Variants in WDR7 observed in about 807,000 individuals in gnomAD.
WDR7 encodes the protein WD repeat domain 7, also known as WD repeat-containing protein 7.
Under a neutral mutation model 169.4 loss-of-function variants are expected in WDR7, and 46 were observed. The ratio of observed to expected loss-of-function variants is 0.27; its 90% CI spans 0.21 to 0.35. The LOEUF (loss-of-function observed/expected upper bound fraction) is 0.35. Among genes scored for constraint, WDR7 ranks in the 10% least tolerant of loss-of-function variants. The probability of loss-of-function intolerance (pLI) is 1.00; values close to 1 mark genes in which losing one functional copy is unlikely to be tolerated. For synonymous variants in WDR7, 612 were observed against 666.8 expected (o/e 0.92, Z 1.27); for missense variants, 1,534 against 1,859.3 (o/e 0.83, Z 3.22).
chr18:56,734,175 G>A (rs181986851), intron 14 of WDR7, among the ~76,000 whole-genome samples: 4 of 152,212 alleles, frequency 2.6e-5, no homozygotes, highest in Admixed American at 2.6e-4. Flanking sequence ...GGTGAGTGAA[G>A]TTGTGTAGAT....
intron 26 of WDR7, among the ~76,000 whole-genome samples, chr18:57,016,675 C>T (rs1328129642): frequency 1.3e-5 from 2 of 152,182 alleles, no homozygotes; most frequent in East Asian, 3.9e-4. Context: ...AATTATATTT[C>T]TTTGCAGAGC....
chr18:56,713,232 C>T (rs184412992), intron 12 of WDR7, among the ~76,000 whole-genome samples: 2 of 152,278 alleles, frequency 1.3e-5, no homozygotes, highest in Non-Finnish European at 2.9e-5. Flanking sequence ...TATTTACATC[C>T]ACTGTCATTA....
chr18:56,724,538 C>T (rs2026399121), intron 13 of WDR7, among the ~76,000 whole-genome samples: 1 of 151,768 alleles, frequency 6.6e-6, no homozygotes, highest in Admixed American at 6.6e-5. Context: ...TTATTAGACA[C>T]CAGATATCGT....
intron 19 of WDR7, among the ~76,000 whole-genome samples, chr18:56,809,903 G>A (rs569594889): frequency 6.6e-6 from 1 of 152,030 alleles, no homozygotes; most frequent in East Asian, 1.9e-4. Context: ...TATTTTCACT[G>A]TTCTAAAAAT....
intron 16 of WDR7, among the ~76,000 whole-genome samples, chr18:56,775,639 G>T (rs2044230026): frequency 6.6e-6 from 1 of 152,086 alleles, no homozygotes; most frequent in Non-Finnish European, 1.5e-5. Context: ...TTTCATTTGT[G>T]CAAGACGTGC....
At chr18:56,922,132 A>G (rs2046733778) in intron 21 of WDR7, among the ~76,000 whole-genome samples, 1 of 152,214 alleles carries the variant, frequency 6.6e-6, no homozygotes, top group Admixed American at 6.5e-5. Flanking sequence ...ACTTCCAAGA[A>G]GTAAAAAATA....
rs936095851 is a variant in WDR7 at position 57,010,489 on chromosome 18, T to A, written c.4165-10256T>A. Among the ~76,000 whole-genome samples, 9 of 152,326 alleles carry A rather than the reference T, an allele frequency of 5.9e-5. No homozygotes were observed. In the South Asian group the frequency reaches 6.2e-4, roughly 11 times the overall value. ...TTTCATTTATGTCTTTAGGCTTTTT[T>A]AATCATTATTGAGTCTAAAAGTTGT... On this transcript the variant is annotated intron_variant, in intron 26 of 27. Transcript: ENST00000254442.
At chr18:57,019,385 A>C (rs9963904) in intron 26 of WDR7, among the ~76,000 whole-genome samples, 9 of 152,122 alleles carry the variant, frequency 5.9e-5, no homozygotes, top group Admixed American at 5.9e-4. Context: ...GGTACTCTGC[A>C]ATGTTAAGTT....
intron 21 of WDR7, among the ~76,000 whole-genome samples, chr18:56,922,663 T>C (rs972953978): frequency 2.0e-5 from 3 of 152,116 alleles, no homozygotes; most frequent in African/African-American, 7.2e-5. Context: ...TGTAGTTTCC[T>C]GGGGAAAGGA....
At chr18:56,875,303 T>C (rs2046007902) in intron 20 of WDR7, among the ~76,000 whole-genome samples, 1 of 152,222 alleles carries the variant, frequency 6.6e-6, no homozygotes, top group Admixed American at 6.5e-5. Context: ...CCACTTCCCG[T>C]GTCTTCTGTT....
At chr18:56,989,332 T>C (rs983987397) in intron 26 of WDR7, among the ~76,000 whole-genome samples, 1 of 152,198 alleles carries the variant, frequency 6.6e-6, no homozygotes, top group African/African-American at 2.4e-5. Context: ...TTTCTCAAGC[T>C]CCTCACAAAA....
intron 13 of WDR7, among the ~76,000 whole-genome samples, chr18:56,728,060 A>G (rs564985802): frequency 3.2e-4 from 48 of 152,288 alleles, no homozygotes; most frequent in African/African-American, 9.6e-4. Context: ...ATTTCCGTTT[A>G]TCTGATGTCT....
chr18:56,893,161 A>C (rs867354486), intron 21 of WDR7, among the ~76,000 whole-genome samples: 1 of 150,080 alleles, frequency 6.7e-6, no homozygotes, highest in East Asian at 1.9e-4. Context: ...TTTGTAGCCA[A>C]TTTAATAACG....
Position 57,004,391 on chromosome 18 carries a change from A to G in WDR7, c.4165-16354A>G, listed in dbSNP as rs192965519. Among the ~76,000 whole-genome samples the G allele has an allele frequency of 2.6e-4, 40 of 152,236 alleles. No homozygotes were observed. The East Asian group carries it at 3.1e-3, about 12-fold the overall frequency. On this transcript the variant is annotated intron_variant, in intron 26 of 27. Transcript: ENST00000254442. ...CTTGGACCTTGAAATGCTTTTCCCC[A>G]TAGAAACTATTATAAATAGTACTTA...
At chr18:56,768,388 A>G (rs2044100662) in intron 16 of WDR7, among the ~76,000 whole-genome samples, 1 of 152,236 alleles carries the variant, frequency 6.6e-6, no homozygotes, top group Admixed American at 6.5e-5. Flanking sequence ...AATACTTTAG[A>G]ATACCATTAT....
At chr18:56,772,620 G>A (rs1260073049) in intron 16 of WDR7, among the ~76,000 whole-genome samples, 1 of 151,930 alleles carries the variant, frequency 6.6e-6, no homozygotes, top group Non-Finnish European at 1.5e-5. Context: ...AGTCAACATT[G>A]AACATTATTT....
chr18:57,026,888 TG>T (rs1220510312), intron 27 of WDR7, 115 bp from the exon 28 acceptor site: 2 of 1,064,062 alleles, frequency 1.9e-6, no homozygotes, highest in Middle Eastern at 3.2e-4. Flanking sequence ...CAAGCTTAGG[TG>T]AAGGAGAATA....
chr18:56,845,639 A>G (rs2045555608), intron 20 of WDR7, among the ~76,000 whole-genome samples: 1 of 152,206 alleles, frequency 6.6e-6, no homozygotes, highest in Middle Eastern at 3.4e-3. Flanking sequence ...TGTGAATCCT[A>G]TCTACATTCC....
chr18:56,703,280 A>G (rs1037764034), intron 12 of WDR7, among the ~76,000 whole-genome samples: 1 of 152,236 alleles, frequency 6.6e-6, no homozygotes, highest in African/African-American at 2.4e-5. Flanking sequence ...GTTCACAGCC[A>G]GTAAGGGCAA....
Sources: gnomAD v4.1 joint callset for allele counts (sites outside exome capture counted in the v4.1 genomes callset) on GRCh38, gnomAD v4.1.1 for gene constraint, MANE v1.5 for transcripts, NCBI Gene and HGNC (gene_info 2026-07-23, HGNC 2026-07-21) for gene names.